NDUFV1: variants seen among roughly 807,000 people sequenced by gnomAD.
NDUFV1 encodes NADH dehydrogenase [ubiquinone] flavoprotein 1, mitochondrial.
A neutral mutation model predicts 48.7 loss-of-function variants in NDUFV1; 41 were observed. That is an observed-to-expected ratio of 0.84 (90% CI 0.66 to 1.09). The LOEUF (loss-of-function observed/expected upper bound fraction) is 1.09. Among genes scored for constraint, NDUFV1 ranks in the 50% least tolerant of loss-of-function variants. NDUFV1 has a pLI of 0.00. For synonymous variants in NDUFV1, 231 were observed against 259.1 expected, an observed-to-expected ratio of 0.89 and a Z score of 1.04; for missense variants, 580 against 645.4, an observed-to-expected ratio of 0.90 and a Z score of 1.10.
rs1385410386 is a variant in NDUFV1 at position 67,607,075 on chromosome 11, C to G, written c.71C>G (p.Thr24Arg). ...GTATCTGTGCGTTTCAGCGGCGACA[C>G]GGTGAGGCCCAGCCTGGCTGGGGCC... Reference protein sequence around the residue: ...ARVSVRFSGDTTAPKKTSFGS... With the variant: ...ARVSVRFSGDRTAPKKTSFGS... Residue 24 changes from threonine (T) to arginine (R), a missense_variant and splice_region_variant, in exon 1 of 10, where the codon ACG becomes AGG. Thr to Arg is a moderately conservative substitution (Grantham distance 71). Transcript: ENST00000322776. 3.1e-6 allele frequency: 5 copies of G among 1,605,638 alleles called. No individual in the cohort carries two copies. The highest frequency in any genetic ancestry group is 3.3e-5 in the Admixed American group (2 of 59,712).
chr11:67,608,211 G>GC, intron 1 of NDUFV1, 185 bp from the exon 2 acceptor site: 1 of 613,704 alleles, frequency 1.6e-6, no homozygotes, highest in East Asian at 2.8e-5. Flanking sequence ...AGGCAAAAGA[G>GC]CAAGAGTCTG....
In NDUFV1 at chr11:67,610,471, G is replaced by A; in HGVS notation, c.601G>A (p.Ala201Thr). 5.6e-6 allele frequency: 9 copies of A among 1,614,240 alleles called. No homozygotes were observed. Among genetic ancestry groups the A allele is most frequent in the Non-Finnish European group, 7.6e-6 (9 of 1,180,046 alleles). ...TTTTGACGTGTTTGTGGTGCGCGGG[G>A]CTGGGGCCTACATCTGTGGAGAGGA... ...YDFDVFVVRG[A>T]GAYICGEETA... is the part of the protein sequence containing the mutation. The change falls in exon 5 of 10, where the codon GCT becomes ACT. Residue 201 changes from alanine to threonine, a missense_variant. By Grantham distance (58) the Ala-to-Thr change is moderately conservative. Transcript: ENST00000322776.
In NDUFV1 at chr11:67,611,817, G is replaced by T. The variant is rs1854921416; in HGVS notation, c.1081-80G>T. On this transcript the variant is annotated intron_variant, in intron 7 of 9. Coordinates refer to ENST00000322776, the MANE Select transcript of NDUFV1 (RefSeq NM_007103.4). This position sits in a 1 kb window ranked among gnomAD's most constrained non-coding sequence, Gnocchi z 4.2. ...GGCTGGGAAGAGCTTCTGGAACTGG[G>T]GGAGGGGCTGCTGCTAGGGGGCTGA... 6.4e-7 allele frequency: 1 copy of T among 1,556,132 alleles called. No homozygotes were observed. The highest frequency in any genetic ancestry group is 2.2e-5 in the East Asian group (1 of 44,454).
chr11:67,607,951 G>C (rs1453998891), intron 1 of NDUFV1, among the ~76,000 whole-genome samples: 2 of 152,222 alleles, frequency 1.3e-5, no homozygotes, highest in African/African-American at 2.4e-5. Context: ...TAATGGCCGG[G>C]CGCGGTGGCT....
intron 1 of NDUFV1, chr11:67,608,186 A>C (rs1591108836): frequency 3.3e-6 from 2 of 600,786 alleles, no homozygotes; most frequent in Non-Finnish European, 5.9e-6. Context: ...AGATTACGCC[A>C]CTGCACTCCA....
In NDUFV1 at chr11:67,609,529, C is replaced by T. The variant is rs868024447; in HGVS notation, c.404C>T (p.Pro135Leu). ...GACCGGGAGATCTTACGCCATGATC[C>T]TCACAAGCTGCTGGAAGGCTGCCTG... is the stretch of plus-strand genomic sequence containing the variant. ...CKDREILRHDPHKLLEGCLVG... is the reference protein window; with the variant it reads ...CKDREILRHDLHKLLEGCLVG... Residue 135 changes from proline (P) to leucine (L), a missense_variant, in exon 4 of 10, where the codon CCT becomes CTT. Transcript: ENST00000322776. The T allele has an allele frequency of 1.9e-6, 3 of 1,613,690 alleles. No homozygotes were observed. The highest frequency in any genetic ancestry group is 2.5e-6 in the Non-Finnish European group (3 of 1,180,042).
chr11:67,610,977 C>T lies in NDUFV1; in HGVS notation c.701-18C>T, dbSNP rs776210475. 1 of 1,613,908 alleles carries T rather than the reference C, an allele frequency of 6.2e-7. No individual in the cohort carries two copies. The highest frequency in any genetic ancestry group is 8.5e-7 in the Non-Finnish European group (1 of 1,179,798). ...CCACCCCCTAGCAGCCACCAGTTCT[C>T]TTCCCATTTCCCTGAAGGAGTGTTT... On this transcript the variant is annotated intron_variant, in intron 5 of 9. Coordinates refer to ENST00000322776, the MANE Select transcript of NDUFV1 (RefSeq NM_007103.4).
chr11:67,607,254 C>T, intron 1 of NDUFV1, 178 bp downstream of exon 1: 1 of 761,344 alleles, frequency 1.3e-6, no homozygotes, highest in Non-Finnish European at 2.3e-6. Flanking sequence ...AACGCGGGGC[C>T]GACTCCCTTG....
chr11:67,611,358 C>T lies in NDUFV1; in HGVS notation c.914-45C>T. 8.1e-6 allele frequency: 13 copies of T among 1,608,656 alleles called. No individual in the cohort carries two copies. The highest frequency in any genetic ancestry group is 9.3e-6 in the Non-Finnish European group (11 of 1,177,596). The stretch of plus-strand genomic sequence containing the variant: ...CAGGACTAGGCAGGTGTGCCGGCCC[C>T]AGCCCTGACCATGCATCCCTTTGGG... On this transcript the variant is annotated intron_variant, in intron 6 of 9. Coordinates refer to ENST00000322776, the MANE Select transcript of NDUFV1 (RefSeq NM_007103.4). The surrounding 1 kb of genome is among the most constrained non-coding windows in gnomAD (Gnocchi z 4.2).
chr11:67,612,512 A>C lies in NDUFV1; in HGVS notation c.*54A>C. 1 of 1,564,274 alleles carries C rather than the reference A, an allele frequency of 6.4e-7. No individual in the cohort carries two copies. Among genetic ancestry groups the C allele is most frequent in the South Asian group, 1.1e-5 (1 of 87,308 alleles). The stretch of plus-strand genomic sequence containing the variant: ...CTATCCATGTGGAATGCTGGACAAT[A>C]AAGCGAGTGCTGCCCACCCTCCAGC... On this transcript the variant is annotated 3_prime_UTR_variant, in exon 10 of 10. Coordinates refer to ENST00000322776, the MANE Select transcript of NDUFV1 (RefSeq NM_007103.4). The surrounding 1 kb of genome is among the most constrained non-coding windows in gnomAD (Gnocchi z 4.4).
chr11:67,610,177 C>G (rs1229032325), intron 4 of NDUFV1: 1 of 605,460 alleles, frequency 1.7e-6, no homozygotes, highest in Admixed American at 2.9e-5. Context: ...AGCAAAGCAG[C>G]TTACTTATGT....
chr11:67,607,497 G>A (rs1310044296), intron 1 of NDUFV1: 1 of 465,008 alleles, frequency 2.2e-6, no homozygotes, highest in Admixed American at 2.3e-5. Context: ...CCCTCAGCTG[G>A]TGCGCTCTCC....
At chr11:67,608,258 G>C (rs1374237723) in intron 1 of NDUFV1, 138 bp from the exon 2 acceptor site, 2 of 794,010 alleles carry the variant, frequency 2.5e-6, no homozygotes, top group Admixed American at 2.1e-5. Context: ...AGTGGCAGTG[G>C]TATCTATGAT....
At chr11:67,607,136 G>T in intron 1 of NDUFV1, 60 bp downstream of exon 1, 3 of 1,539,202 alleles carry the variant, frequency 1.9e-6, no homozygotes, top group Non-Finnish European at 2.6e-6. Context: ...GGCCGCGCCC[G>T]TGCACGAGCA....
chr11:67,609,446 C>CA lies in NDUFV1; in HGVS notation c.327-6_327-5insA. 6.2e-7 allele frequency: 1 copy of CA among 1,613,322 alleles called. No homozygotes were observed. Among genetic ancestry groups the CA allele is most frequent in the Non-Finnish European group, 8.5e-7 (1 of 1,179,862 alleles). On this transcript the variant is annotated splice_region_variant and splice_polypyrimidine_tract_variant and intron_variant, in intron 3 of 9. Coordinates refer to ENST00000322776, the MANE Select transcript of NDUFV1 (RefSeq NM_007103.4). The stretch of plus-strand genomic sequence containing the variant: ...TGTAGCCTGTCTGACCTGTGGGCCC[C>CA]TGCAGGCCCAAGTATCTGGTGGTGA...
Position 67,611,630 on chromosome 11 carries a change from C to T in NDUFV1, c.1080+61C>T. The T allele has an allele frequency of 3.2e-6, 5 of 1,568,522 alleles. No individual in the cohort carries two copies. The South Asian group carries it at 5.8e-5, about 18-fold the overall frequency. On this transcript the variant is annotated intron_variant, in intron 7 of 9. Coordinates refer to ENST00000322776, the MANE Select transcript of NDUFV1 (RefSeq NM_007103.4). This position sits in a 1 kb window ranked among gnomAD's most constrained non-coding sequence, Gnocchi z 4.2. The stretch of plus-strand genomic sequence containing the variant: ...CCTGGTTGCTGTCTCCCTCCCTGGG[C>T]CTCCCAGAAAACCCTCTTGCCAGCA...
intron 4 of NDUFV1, chr11:67,610,137 T>C (rs1854884731): frequency 3.5e-6 from 2 of 567,850 alleles, no homozygotes; most frequent in Admixed American, 3.0e-5. Flanking sequence ...GGAGACCTGA[T>C]AGTAGCTACT....
chr11:67,607,723 C>A (rs1324224300), intron 1 of NDUFV1: 7 of 341,496 alleles, frequency 2.0e-5, no homozygotes, highest in Admixed American at 4.1e-5. Context: ...TGTGTGGTGC[C>A]GTGATGCAGC....
Position 67,612,146 on chromosome 11 carries a change from G to A in NDUFV1, c.1189G>A (p.Ala397Thr), listed in dbSNP as rs1445612877. Reference protein sequence around the residue: ...EGVDWMNKVMARFVRGDARPA... With the variant: ...EGVDWMNKVMTRFVRGDARPA... ...TGTGGACTGGATGAACAAGGTGATGGCACGTTTCGTGAGGGGGGATGCCCG... is the reference window on the plus strand; with the variant it reads ...TGTGGACTGGATGAACAAGGTGATGACACGTTTCGTGAGGGGGGATGCCCG... The change falls in exon 9 of 10, where the codon GCA (alanine) becomes ACA (threonine). Residue 397 changes from alanine (A) to threonine (T), a missense_variant. Ala to Thr is a moderately conservative substitution (Grantham distance 58). Transcript: ENST00000322776. The surrounding 1 kb of genome is among the most constrained non-coding windows in gnomAD (Gnocchi z 4.4). The A allele has an allele frequency of 1.2e-6, 2 of 1,613,742 alleles. No homozygotes were observed.
Sources: allele counts gnomAD v4.1 joint callset (sites outside exome capture counted in the v4.1 genomes callset), GRCh38; gene constraint gnomAD v4.1.1; non-coding constraint Gnocchi (gnomAD v3.1); transcripts MANE v1.5; gene names NCBI Gene and HGNC (gene_info 2026-07-23, HGNC 2026-07-21).